MARS1: variants seen among roughly 807,000 people sequenced by gnomAD.
MARS1 encodes the protein methionine--tRNA ligase, cytoplasmic.
MARS1 carries 80 observed loss-of-function variants against 119.5 expected under a neutral mutation model. The ratio of observed to expected loss-of-function variants is 0.67; its 90% CI spans 0.56 to 0.81. The LOEUF is 0.81. Among genes scored for constraint, MARS1 ranks in the 30% least tolerant of loss-of-function variants. The probability of loss-of-function intolerance (pLI) is 0.00; values close to 1 mark genes in which losing one functional copy is unlikely to be tolerated. For synonymous variants in MARS1, 418 were observed against 433.4 expected, an observed-to-expected ratio of 0.96 and a Z score of 0.44; for missense variants, 945 against 1,116.5, an observed-to-expected ratio of 0.85 and a Z score of 2.19.
chr12:57,503,057 C>T (rs1293174928), intron 10 of MARS1, among the ~76,000 whole-genome samples: 1 of 151,968 alleles, frequency 6.6e-6, no homozygotes, highest in South Asian at 2.1e-4. Context: ...AACAACAAAA[C>T]TCTACTACAA....
chr12:57,497,547 G>A (rs930229089), intron 7 of MARS1, among the ~76,000 whole-genome samples: 20 of 152,162 alleles, frequency 1.3e-4, no homozygotes, highest in Non-Finnish European at 2.6e-4. Context: ...CAGACAGCAG[G>A]TTGAATGGCA....
chr12:57,493,796 T>TATTA (rs1280558236), intron 7 of MARS1, among the ~76,000 whole-genome samples: 23 of 1,286 alleles, frequency 0.018, no homozygotes, highest in South Asian at 0.062. Flanking sequence ...ATATTATATA[T>TATTA]TATATTATAT....
chr12:57,489,393 G>A (rs967361635), intron 3 of MARS1, 31 bp from the exon 4 acceptor site: 1 of 1,614,006 alleles, frequency 6.2e-7, no homozygotes. Context: ...GTTCTGCGTG[G>A]CCATCCTGAC....
rs142173760 is a variant in MARS1, at chr12:57,504,505, C to T, written c.1368+206C>T. 1.4e-3 allele frequency among the ~76,000 whole-genome samples: 216 copies of T among 152,126 alleles called. 1 individual carries two copies. The highest frequency in any genetic ancestry group is 5.1e-3 in the African/African-American group (212 of 41,490). On this transcript the variant is annotated intron_variant, in intron 11 of 20. Coordinates refer to ENST00000262027, the MANE Select transcript of MARS1 (RefSeq NM_004990.4). ...TGCGAGAGGTATTTACTACTTTTTCCTTTGTGTCTATTCAGAAATGTCATA... is the reference window on the plus strand; with the variant it reads ...TGCGAGAGGTATTTACTACTTTTTCTTTTGTGTCTATTCAGAAATGTCATA...
intron 1 of MARS1, 76 bp from the exon 2 acceptor site, chr12:57,488,943 A>G: frequency 8.5e-7 from 1 of 1,177,746 alleles, no homozygotes; most frequent in Non-Finnish European, 1.3e-6. Flanking sequence ...GAACAATGCA[A>G]GGTTATCCTA....
Position 57,511,707 on chromosome 12 carries a change from C to T in MARS1, c.1378C>T (p.Arg460Ter), listed in dbSNP as rs764820125. ...TTCTCCGTTATCTCAGCTGGAGAAG[C>T]GACTGGAGGAGTGGTTGGGGAGGAC... ...LFLDLPKLEK[R>*]LEEWLGRTLP... Residue 460 changes from arginine to a stop codon, truncating the protein, a stop_gained, in exon 12 of 21, where the codon CGA becomes TGA. Coordinates refer to ENST00000262027, the MANE Select transcript of MARS1 (RefSeq NM_004990.4). LOFTEE classifies it high-confidence loss of function. 16 of 1,614,034 alleles carry T rather than the reference C, an allele frequency of 9.9e-6. No individual in the cohort carries two copies. In the Admixed American group the frequency reaches 1.0e-4, roughly 10 times the overall value.
At chr12:57,514,909 G>T in intron 16 of MARS1, 45 bp from the exon 17 acceptor site, 1 of 1,613,724 alleles carries the variant, frequency 6.2e-7, no homozygotes, top group Non-Finnish European at 8.5e-7. Context: ...CCTTGTATTG[G>T]TCTCTGTAGG....
chr12:57,501,762 C>T (rs1446134828), intron 10 of MARS1, among the ~76,000 whole-genome samples: 3 of 151,320 alleles, frequency 2.0e-5, no homozygotes, highest in African/African-American at 7.3e-5. Flanking sequence ...GCAGAGGTTG[C>T]AGTGAGCTGA....
At chr12:57,497,619 C>T (rs560148985) in intron 7 of MARS1, among the ~76,000 whole-genome samples, 14 of 152,180 alleles carry the variant, frequency 9.2e-5, no homozygotes, top group African/African-American at 2.9e-4. Flanking sequence ...AAACTGGTGC[C>T]TGCTGGTTTG....
At chr12:57,501,776 T>C (rs1448977117) in intron 10 of MARS1, among the ~76,000 whole-genome samples, 1 of 151,350 alleles carries the variant, frequency 6.6e-6, no homozygotes, top group Non-Finnish European at 1.5e-5. Context: ...GAGCTGAGAT[T>C]GCGCCACTGC....
Position 57,490,608 on chromosome 12 carries a change from A to G in MARS1, c.734A>G (p.Glu245Gly), listed in dbSNP as rs778753999. Residue 245 changes from glutamate to glycine, a missense_variant, in exon 7 of 21, where the codon GAA becomes GGA. Glu to Gly is a moderately conservative substitution (Grantham distance 98). Transcript: ENST00000262027. ...GTTACTGCTTGGGAGAAGGGCCTAGAAAGTTTGCCCCCGCTGCGGCCCCAG... is the reference window on the plus strand; with the variant it reads ...GTTACTGCTTGGGAGAAGGGCCTAGGAAGTTTGCCCCCGCTGCGGCCCCAG... ...MAVTAWEKGL[E>G]SLPPLRPQQN... The G allele has an allele frequency of 6.5e-5, 105 of 1,613,894 alleles. 3 individuals are homozygous for G. The highest frequency in any genetic ancestry group is 4.9e-4 in the Middle Eastern group (3 of 6,082).
At position 57,489,091 on chromosome 12, in the gene MARS1, C is replaced by G. The variant is rs780388121; in HGVS notation, c.182C>G (p.Ser61Cys). 1.2e-6 allele frequency: 2 copies of G among 1,614,078 alleles called. No homozygotes were observed. Among genetic ancestry groups the G allele is most frequent in the Non-Finnish European group, 1.7e-6 (2 of 1,180,004 alleles). ...LQLDSGNYLF[S>C]TSAICRYFFL... ...CTGGATAGCGGCAACTACCTCTTCTCCACTAGTGCAATCTGCCGGTCAGTA... is the reference window on the plus strand; with the variant it reads ...CTGGATAGCGGCAACTACCTCTTCTGCACTAGTGCAATCTGCCGGTCAGTA... The change falls in exon 2 of 21, where the codon TCC becomes TGC. Residue 61 changes from serine (S) to cysteine (C), a missense_variant. Physicochemically the swap from Ser to Cys is moderately radical, Grantham distance 112 (BLOSUM62 -1). Transcript: ENST00000262027.
At position 57,516,479 on chromosome 12, in the gene MARS1, C is replaced by T. The variant is rs376782309; in HGVS notation, c.2601C>T (p.Asn867=). 9.3e-6 allele frequency: 15 copies of T among 1,613,598 alleles called. No homozygotes were observed. The highest frequency in any genetic ancestry group is 1.3e-5 in the African/African-American group (1 of 74,840). Residue 867 remains asparagine, a synonymous_variant, in exon 21 of 21, where the codon AAC becomes AAT. Coordinates refer to ENST00000262027, the MANE Select transcript of MARS1 (RefSeq NM_004990.4). ...TGAAAGCACAAAAGGCAGACAAGAA[C>T]GAGGTTGCTGCGGAGGTGGCGAAAC... ...RELKAQKADK[N]EVAAEVAKLL... is the part of the protein sequence containing the mutation.
In MARS1 at chr12:57,492,670, C is replaced by T. The variant is rs1466605207; in HGVS notation, c.770+2026C>T. Among the ~76,000 whole-genome samples the T allele has an allele frequency of 1.1e-3, 5 of 4,732 alleles. No homozygotes were observed. In the African/African-American group the frequency reaches 0.011, roughly 11 times the overall value. The allele number at this position is 4,732 out of a possible 152,430, so 3.1% of individuals were successfully genotyped here. On this transcript the variant is annotated intron_variant, in intron 7 of 20. Transcript: ENST00000262027. Reference sequence around the variant, plus strand: ...TGGGCAACAGAGCGCGACTCCATTTCACACACACACACACACACACACACA... The same window carrying T: ...TGGGCAACAGAGCGCGACTCCATTTTACACACACACACACACACACACACA...
At chr12:57,502,958 G>A (rs1399064073) in intron 10 of MARS1, among the ~76,000 whole-genome samples, 1 of 152,016 alleles carries the variant, frequency 6.6e-6, no homozygotes, top group Non-Finnish European at 1.5e-5. Flanking sequence ...CCCGGGAGGT[G>A]GAGGTTGTAG....
intron 11 of MARS1, among the ~76,000 whole-genome samples, chr12:57,506,756 A>T (rs1363046783): frequency 2.1e-5 from 3 of 145,644 alleles, no homozygotes. Context: ...AGCTCACTGC[A>T]ACCTCCACCT....
In MARS1 at chr12:57,516,316, G is replaced by GATGGATGAAGTGACAAA. The variant is rs1565653211; in HGVS notation, c.2537_2553dup (p.Gln852TrpfsTer4). 2 of 1,614,190 alleles carry GATGGATGAAGTGACAAA rather than the reference G, an allele frequency of 1.2e-6. No homozygotes were observed. The highest frequency in any genetic ancestry group is 1.7e-6 in the Non-Finnish European group (2 of 1,180,018). ...CCAAGCCACAGCAGATACAAGCGCT[G>GATGGATGAAGTGACAAA]ATGGATGAAGTGACAAAACAAGTAT... On this transcript the variant is annotated frameshift_variant, in exon 20 of 21. Transcript: ENST00000262027. LOFTEE classifies it high-confidence loss of function.
intron 11 of MARS1, among the ~76,000 whole-genome samples, chr12:57,505,849 C>G (rs1000934741): frequency 1.3e-5 from 2 of 152,018 alleles, no homozygotes; most frequent in African/African-American, 4.8e-5. Context: ...TGCAGTGACT[C>G]ACTCCTGTAA....
chr12:57,509,284 C>T (rs1877395781), intron 11 of MARS1, among the ~76,000 whole-genome samples: 1 of 152,132 alleles, frequency 6.6e-6, no homozygotes, highest in South Asian at 2.1e-4. Flanking sequence ...TGTCACCAAC[C>T]TTGAGTTTAA....
Sources: allele counts gnomAD v4.1 joint callset (sites outside exome capture counted in the v4.1 genomes callset), GRCh38; gene constraint gnomAD v4.1.1; transcripts MANE v1.5; gene names NCBI Gene and HGNC (gene_info 2026-07-23, HGNC 2026-07-21).